SYN3: variants seen among roughly 807,000 people sequenced by gnomAD.
SYN3 encodes synapsin-3.
In SYN3, 35 loss-of-function variants were observed where a neutral mutation model predicts 65.8. The ratio of observed to expected loss-of-function variants is 0.53; its 90% CI spans 0.41 to 0.70. The LOEUF (loss-of-function observed/expected upper bound fraction) is 0.70, where lower values mean the gene tolerates loss of function less well. Ranked by LOEUF, SYN3 falls within the 30% of genes least tolerant of loss-of-function variation. The pLI, the probability that SYN3 is intolerant of heterozygous loss-of-function variation, is 0.00. For synonymous variants in SYN3, 270 were observed against 292.9 expected (o/e 0.92, Z 0.80); for missense variants, 680 against 749.0 (o/e 0.91, Z 1.08).
At chr22:32,562,959 T>C (rs2058608294) in intron 7 of SYN3, among the ~76,000 whole-genome samples, 1 of 152,218 alleles carries the variant, frequency 6.6e-6, no homozygotes, top group Non-Finnish European at 1.5e-5. Context: ...CCTCACTGGG[T>C]GACCTTGGGC....
At chr22:32,935,607 C>T (rs762627716) in intron 3 of SYN3, among the ~76,000 whole-genome samples, 36 of 152,042 alleles carry the variant, frequency 2.4e-4, no homozygotes, top group Admixed American at 7.2e-4. Flanking sequence ...CCCGCCACCG[C>T]GCCCGGCTAA....
intron 6 of SYN3, among the ~76,000 whole-genome samples, chr22:32,807,346 TA>T (rs1169794415): frequency 2.1e-3 from 12 of 5,764 alleles, no homozygotes; most frequent in South Asian, 0.012. Flanking sequence ...ATATAATATA[TA>T]AATATATAAT....
intron 6 of SYN3, among the ~76,000 whole-genome samples, chr22:32,655,676 T>C (rs867646176): frequency 2.6e-5 from 4 of 152,276 alleles, no homozygotes; most frequent in South Asian, 2.1e-4. Flanking sequence ...TGATCTGTCA[T>C]TGTCTCCCAT....
Position 32,801,710 on chromosome 22 carries a change from G to A in SYN3, c.711+63205C>T. 5.1e-6 allele frequency: 1 copy of A among 194,754 alleles called. No individual in the cohort carries two copies. Among genetic ancestry groups the A allele is most frequent in the Non-Finnish European group, 1.0e-5 (1 of 98,102 alleles). The allele number at this position is 194,754 out of a possible 1,614,324, so 12.1% of individuals were successfully genotyped here. A position where few individuals can be genotyped will look rare whatever the true frequency, so the allele number is the denominator to read the frequency against. ...GGCCGCCCAGGCAGCGGCGCAGAGCGGGCAGCAGGCAGGCGGCGGGCGCTC... is the reference window on the plus strand; with the variant it reads ...GGCCGCCCAGGCAGCGGCGCAGAGCAGGCAGCAGGCAGGCGGCGGGCGCTC... On this transcript the variant is annotated intron_variant, in intron 6 of 13. Transcript: ENST00000358763. This position sits in a 1 kb window ranked among gnomAD's most constrained non-coding sequence, Gnocchi z 4.7.
At chr22:33,003,177 C>T (rs1427119821) in intron 2 of SYN3, among the ~76,000 whole-genome samples, 4 of 152,148 alleles carry the variant, frequency 2.6e-5, no homozygotes. Flanking sequence ...TTCTTTATAG[C>T]AGTGTGAGAA....
rs2048650699 is a variant in SYN3 at position 32,864,939 on chromosome 22, T to A, written c.687A>T (p.Thr229=). 2 of 1,614,040 alleles carry A rather than the reference T, an allele frequency of 1.2e-6. No homozygotes were observed. The highest frequency in any genetic ancestry group is 4.5e-5 in the East Asian group (2 of 44,882). Residue 229 remains threonine, a synonymous_variant, in exon 6 of 14, where the codon ACA becomes ACT. Coordinates refer to ENST00000358763, the MANE Select transcript of SYN3 (RefSeq NM_003490.4). ...CCATTGGCTTATGGTTGGGGAAAAA[T>A]GTTTGCTCCACAAGCGGGAACTTCT... is the stretch of plus-strand genomic sequence containing the variant. The part of the protein sequence containing the change: ...GPEKFPLVEQ[T]FFPNHKPMVT...
intron 9 of SYN3, among the ~76,000 whole-genome samples, chr22:32,535,307 T>C (rs1057230964): frequency 6.6e-6 from 1 of 152,188 alleles, no homozygotes; most frequent in Non-Finnish European, 1.5e-5. Flanking sequence ...CTCCCTCTTA[T>C]CATAAAATGG....
intron 6 of SYN3, chr22:32,785,014 G>A (rs2046156367): frequency 6.6e-6 from 1 of 151,900 alleles, no homozygotes; most frequent in Non-Finnish European, 1.5e-5. Context: ...GATGGTGGCA[G>A]CTGATCTGTT....
At chr22:32,909,464 C>T (rs1330097319) in intron 4 of SYN3, among the ~76,000 whole-genome samples, 4 of 152,156 alleles carry the variant, frequency 2.6e-5, no homozygotes, top group East Asian at 3.8e-4. Flanking sequence ...TTCTTTATTA[C>T]GATGATGGAG....
At chr22:33,014,596 C>A (rs2053423816) in intron 1 of SYN3, 1 of 152,284 alleles carries the variant, frequency 6.6e-6, no homozygotes, top group African/African-American at 2.4e-5. Context: ...GCCTGACCAA[C>A]ATGGAGAAAC....
chr22:32,612,141 T>C (rs2059453750), intron 6 of SYN3, among the ~76,000 whole-genome samples: 1 of 152,182 alleles, frequency 6.6e-6, no homozygotes, highest in African/African-American at 2.4e-5. Flanking sequence ...CATCTGACTG[T>C]TCTTTATATC....
chr22:32,522,648 A>G (rs1281466168), intron 12 of SYN3, among the ~76,000 whole-genome samples: 1 of 152,206 alleles, frequency 6.6e-6, no homozygotes, highest in Non-Finnish European at 1.5e-5. Context: ...TATTAATAGT[A>G]AGCATTATGT....
At chr22:33,025,246 G>A in intron 1 of SYN3, among the ~76,000 whole-genome samples, 1 of 151,698 alleles carries the variant, frequency 6.6e-6, no homozygotes, top group Non-Finnish European at 1.5e-5. Flanking sequence ...ATGAGGTCAG[G>A]AGTTCGAGAC....
At chr22:32,821,882 G>T (rs189717074) in intron 6 of SYN3, among the ~76,000 whole-genome samples, 2 of 152,302 alleles carry the variant, frequency 1.3e-5, no homozygotes, top group African/African-American at 4.8e-5. Context: ...GAGGCCGAGC[G>T]CAGTGGCTCA....
Position 33,054,453 on chromosome 22 carries a change from C to T in SYN3, c.-163+3839G>A, listed in dbSNP as rs553179713. On this transcript the variant is annotated intron_variant, in intron 1 of 13. Coordinates refer to ENST00000358763, the MANE Select transcript of SYN3 (RefSeq NM_003490.4). ...AGCTAGCCATTTTAAACTAACAATG[C>T]GTGGCATTTACTATCCTCATGATGA... Among the ~76,000 whole-genome samples, 11 of 152,258 alleles carry T rather than the reference C, an allele frequency of 7.2e-5. No individual in the cohort carries two copies. The East Asian group carries it at 1.2e-3, about 16-fold the overall frequency.
chr22:32,774,638 G>T (rs1206818612), intron 6 of SYN3, among the ~76,000 whole-genome samples: 1 of 152,056 alleles, frequency 6.6e-6, no homozygotes, highest in Admixed American at 6.6e-5. Flanking sequence ...TCTTGCCCAG[G>T]CTGGAGTGCA....
At chr22:32,840,613 A>T (rs1226723019) in intron 6 of SYN3, among the ~76,000 whole-genome samples, 1 of 151,558 alleles carries the variant, frequency 6.6e-6, no homozygotes, top group Non-Finnish European at 1.5e-5. Flanking sequence ...ATTCTGCCTC[A>T]CTTCCAGCTG....
At chr22:32,542,499 TG>T (rs1189813708) in intron 7 of SYN3, among the ~76,000 whole-genome samples, 5 of 151,466 alleles carry the variant, frequency 3.3e-5, no homozygotes, top group Admixed American at 2.6e-4. Context: ...TGCTGTGAGT[TG>T]TACATGTGGT....
chr22:32,795,303 G>C (rs2046405114), intron 6 of SYN3, among the ~76,000 whole-genome samples: 1 of 152,236 alleles, frequency 6.6e-6, no homozygotes, highest in Non-Finnish European at 1.5e-5. Context: ...AAATTGTCAG[G>C]AAAGAATCCA....
Sources: gnomAD v4.1 joint callset for allele counts (sites outside exome capture counted in the v4.1 genomes callset) on GRCh38, gnomAD v4.1.1 for gene constraint, Gnocchi (gnomAD v3.1) non-coding constraint, MANE v1.5 for transcripts, NCBI Gene and HGNC (gene_info 2026-07-23, HGNC 2026-07-21) for gene names.